IL4I1: variants seen among roughly 807,000 people sequenced by gnomAD.
The protein encoded by IL4I1 is interleukin 4 induced 1.
IL4I1 carries 24 observed loss-of-function variants against 29.7 expected under a neutral mutation model. That is an observed-to-expected ratio of 0.81 (90% CI 0.59 to 1.14). IL4I1 has a LOEUF of 1.14. IL4I1 is among the 50% of genes most tolerant of loss of function. IL4I1 has a pLI of 0.00. For missense variants in IL4I1, 686 were observed against 785.6 expected (o/e 0.87, Z 1.52); for synonymous variants, 371 against 352.5 (o/e 1.05, Z -0.59).
intron 1 of IL4I1, chr19:49,929,151 G>T (rs2075995498): frequency 6.6e-6 from 1 of 152,066 alleles, no homozygotes; most frequent in Admixed American, 6.6e-5. Flanking sequence ...GGATCCGGGA[G>T]GGCCGTGCTC....
upstream of IL4I1, among the ~76,000 whole-genome samples, chr19:49,899,162 A>G (rs941035037): frequency 3.9e-5 from 6 of 152,210 alleles, no homozygotes; most frequent in African/African-American, 1.2e-4. Flanking sequence ...CCCCTGCCCA[A>G]TAGCTTGTTC....
intron 3 of IL4I1, among the ~76,000 whole-genome samples, chr19:49,895,436 G>A (rs945657702): frequency 6.6e-6 from 1 of 152,192 alleles, no homozygotes; most frequent in Admixed American, 6.5e-5. Context: ...ACCCATATGC[G>A]TAGAAGCCCC....
At chr19:49,922,794 C>T (rs373781176) in intron 2 of IL4I1, among the ~76,000 whole-genome samples, 15 of 152,138 alleles carry the variant, frequency 9.9e-5, no homozygotes, top group Non-Finnish European at 1.3e-4. Flanking sequence ...GCTGCGGCCC[C>T]GGTGCCTTTC....
chr19:49,911,590 C>T (rs1348323613), intron 2 of IL4I1, among the ~76,000 whole-genome samples: 4 of 152,120 alleles, frequency 2.6e-5, no homozygotes, highest in African/African-American at 9.7e-5. Flanking sequence ...TCACAGGCCC[C>T]TAAGTTTTGT....
At position 49,890,521 on chromosome 19, in the gene IL4I1, C is replaced by T. The variant is rs1280764331; in HGVS notation, c.853G>A (p.Ala285Thr). ...SSLSGLVLLN[A>T]PVVAMTQGPH... The stretch of plus-strand genomic sequence containing the variant: ...CCCTGGGTCATCGCCACCACGGGCG[C>T]GTTCAACAGCACAAGCCCGGACAGC... The change falls in exon 8 of 8, where the codon GCG becomes ACG. Residue 285 changes from alanine (A) to threonine (T), a missense_variant. Physicochemically the swap from Ala to Thr is moderately conservative, Grantham distance 58 (BLOSUM62 0). Transcript: ENST00000391826. 3.7e-6 allele frequency: 6 copies of T among 1,609,434 alleles called. No homozygotes were observed. Among genetic ancestry groups the T allele is most frequent in the South Asian group, 2.2e-5 (2 of 91,034 alleles).
At chr19:49,892,801 C>A (rs1450817690) in intron 5 of IL4I1, among the ~76,000 whole-genome samples, 3 of 152,162 alleles carry the variant, frequency 2.0e-5, no homozygotes, top group Non-Finnish European at 4.4e-5. Flanking sequence ...ATAGAAATGA[C>A]CTGGACATGG....
chr19:49,890,284 A>T lies in IL4I1; in HGVS notation c.1090T>A (p.Trp364Arg). The change falls in exon 8 of 8, where the codon TGG (tryptophan) becomes AGG (arginine). Residue 364 changes from tryptophan (W) to arginine (R), a missense_variant. By Grantham distance (101) the Trp-to-Arg change is moderately radical. Coordinates refer to ENST00000391826, the MANE Select transcript of IL4I1 (RefSeq NM_152899.2). ...KVFLSFRRPFWREEHIEGGHS... is the reference protein window; with the variant it reads ...KVFLSFRRPFRREEHIEGGHS... ...CCGCCTTCAATGTGCTCCTCGCGCC[A>T]GAAGGGCCTGCGGAAGCTTAGGAAC... 6.3e-7 allele frequency: 1 copy of T among 1,598,592 alleles called. No homozygotes were observed. The highest frequency in any genetic ancestry group is 8.5e-7 in the Non-Finnish European group (1 of 1,173,476).
At chr19:49,894,548 G>A in intron 4 of IL4I1, 79 bp from the exon 5 acceptor site, 1 of 1,135,184 alleles carries the variant, frequency 8.8e-7, no homozygotes, top group African/African-American at 1.5e-5. Context: ...GAGAAGAGGG[G>A]TGGGAGGGGA....
Position 49,909,526 on chromosome 19 carries a change from A to G in IL4I1, c.-227-5205T>C, listed in dbSNP as rs1486708856. ...CTGTGTTGCTCAAGTTGAGCTTTGA[A>G]GCACCGATCCCCAAAGAAAATCCAG... On this transcript the variant is annotated intron_variant, in intron 2 of 9. Transcript: ENST00000341114. The G allele has an allele frequency of 5.0e-6, 8 of 1,614,146 alleles. No homozygotes were observed. In the African/African-American group the frequency reaches 1.1e-4, roughly 22 times the overall value.
chr19:49,914,004 CA>C (rs1401800942), intron 2 of IL4I1, among the ~76,000 whole-genome samples: 2 of 152,118 alleles, frequency 1.3e-5, no homozygotes, highest in Non-Finnish European at 2.9e-5. Flanking sequence ...GACAGCATCA[CA>C]ATTTGAGCAA....
At chr19:49,915,516 C>T (rs2075601199) in intron 2 of IL4I1, among the ~76,000 whole-genome samples, 1 of 152,204 alleles carries the variant, frequency 6.6e-6, no homozygotes, top group Admixed American at 6.5e-5. Context: ...GACTCTGGAC[C>T]CCCAGCACTG....
chr19:49,891,284 G>C (rs1600464636), intron 6 of IL4I1, 121 bp downstream of exon 6: 1 of 1,409,880 alleles, frequency 7.1e-7, no homozygotes, highest in East Asian at 2.3e-5. Context: ...CAGCCCCCGG[G>C]TCAGGCAGGA....
chr19:49,889,858 T>C lies in IL4I1; in HGVS notation c.1516A>G (p.Ser506Gly). The C allele has an allele frequency of 6.3e-7, 1 of 1,594,506 alleles. No homozygotes were observed. ...SALRAAIKIN[S>G]RKGPASDTAS... is the part of the protein sequence containing the mutation. ...GTGTCCGATGCAGGCCCCTTCCGGC[T>C]GTTGATCTTGATGGCGGCGCGCAGC... Residue 506 changes from serine to glycine, a missense_variant, in exon 8 of 8, where the codon AGC becomes GGC. Coordinates refer to ENST00000391826, the MANE Select transcript of IL4I1 (RefSeq NM_152899.2).
In IL4I1 at chr19:49,890,945, C is replaced by G. The variant is rs113068493; in HGVS notation, c.773+26G>C. ...TCCCTGATTGCCCCCCGCCCCCCCCCCCTGCCCGCCAGCCCCGCCCCTTAC... is the reference window on the plus strand; with the variant it reads ...TCCCTGATTGCCCCCCGCCCCCCCCGCCTGCCCGCCAGCCCCGCCCCTTAC... On this transcript the variant is annotated intron_variant, in intron 7 of 7. Coordinates refer to ENST00000391826, the MANE Select transcript of IL4I1 (RefSeq NM_152899.2). 79 of 726,904 alleles carry G rather than the reference C, an allele frequency of 1.1e-4. 2 individuals are homozygous for G. The Admixed American group carries it at 1.1e-3, about 10-fold the overall frequency. 45.0% of individuals were successfully genotyped at this position (726,904 alleles called of 1,614,324 possible). A position where few individuals can be genotyped will look rare whatever the true frequency, so the allele number is the denominator to read the frequency against.
At position 49,890,905 on chromosome 19, in the gene IL4I1, C is replaced by T. The variant is rs2075126518; in HGVS notation, c.773+66G>A. Reference sequence around the variant, plus strand: ...CGCCCCCAGACCCAGAGGCTCCTCCCACTCCCTGCTACTTTCCCTGATTGC... The same window carrying T: ...CGCCCCCAGACCCAGAGGCTCCTCCTACTCCCTGCTACTTTCCCTGATTGC... On this transcript the variant is annotated intron_variant, in intron 7 of 7. Transcript: ENST00000391826. 3.6e-5 allele frequency: 46 copies of T among 1,265,992 alleles called. 1 individual carries two copies. In the South Asian group the frequency reaches 6.7e-4, roughly 19 times the overall value. 78.4% of individuals were successfully genotyped at this position (1,265,992 alleles called of 1,614,324 possible). A position where few individuals can be genotyped will look rare whatever the true frequency, so the allele number is the denominator to read the frequency against.
chr19:49,905,062 G>A (rs2075304861), intron 2 of IL4I1, among the ~76,000 whole-genome samples: 1 of 152,042 alleles, frequency 6.6e-6, no homozygotes, highest in Non-Finnish European at 1.5e-5. Context: ...TGGCCAGGCT[G>A]GTCTCAAACT....
In IL4I1 at chr19:49,891,050, C is replaced by A. The variant is rs1195531612; in HGVS notation, c.694G>T (p.Val232Leu). The A allele has an allele frequency of 1.2e-6, 2 of 1,613,326 alleles. No homozygotes were observed. The highest frequency in any genetic ancestry group is 1.7e-6 in the Non-Finnish European group (2 of 1,179,894). ...TAGAAGAAGCCATCCTCGGACATCACGTCTCCCAGAAGCTGCACGGCCGGC... is the reference window on the plus strand; with the variant it reads ...TAGAAGAAGCCATCCTCGGACATCAAGTCTCCCAGAAGCTGCACGGCCGGC... ...SRPAVQLLGD[V>L]MSEDGFFYLS... is the part of the protein sequence containing the mutation. The change falls in exon 7 of 8, where the codon GTG becomes TTG. Residue 232 changes from valine to leucine, a missense_variant. By Grantham distance (32) the Val-to-Leu change is conservative. Coordinates refer to ENST00000391826, the MANE Select transcript of IL4I1 (RefSeq NM_152899.2).
At chr19:49,915,015 C>A (rs1488368038) in intron 2 of IL4I1, among the ~76,000 whole-genome samples, 1 of 152,038 alleles carries the variant, frequency 6.6e-6, no homozygotes, top group Non-Finnish European at 1.5e-5. Context: ...GCTGTGATTA[C>A]AGGAGTGAGC....
intron 2 of IL4I1, among the ~76,000 whole-genome samples, chr19:49,924,681 G>A (rs2075842954): frequency 6.6e-6 from 1 of 152,224 alleles, no homozygotes; most frequent in Non-Finnish European, 1.5e-5. Flanking sequence ...GGGACTCAGG[G>A]TTCGAAGATC....
Sources: gnomAD v4.1 joint callset for allele counts (sites outside exome capture counted in the v4.1 genomes callset) on GRCh38, gnomAD v4.1.1 for gene constraint, MANE v1.5 for transcripts, NCBI Gene and HGNC (gene_info 2026-07-23, HGNC 2026-07-21) for gene names.